Variants in FGFR2 observed in about 807,000 individuals in gnomAD.
FGFR2 encodes the protein BEK fibroblast growth factor receptor.
In FGFR2, 19 loss-of-function variants were observed where a neutral mutation model predicts 95.9. The ratio of observed to expected loss-of-function variants is 0.20; its 90% confidence interval spans 0.14 to 0.29. FGFR2 has a LOEUF of 0.29. FGFR2 is among the 10% of genes least tolerant of loss of function. The pLI is 1.00. For synonymous variants in FGFR2, 392 were observed against 393.3 expected, an observed-to-expected ratio of 1.00 and a Z score of 0.04; for missense variants, 707 against 1,056.9, an observed-to-expected ratio of 0.67 and a Z score of 4.59.
intron 6 of FGFR2, among the ~76,000 whole-genome samples, chr10:121,523,871 G>A (rs922693612): frequency 3.3e-5 from 5 of 152,088 alleles, no homozygotes; most frequent in Non-Finnish European, 5.9e-5. Flanking sequence ...CTAATAAATC[G>A]TTTCACAAGT....
chr10:121,491,380 A>G (rs1013814795), intron 13 of FGFR2, among the ~76,000 whole-genome samples: 2 of 152,174 alleles, frequency 1.3e-5, no homozygotes, highest in African/African-American at 2.4e-5. Flanking sequence ...CATTTTATAC[A>G]ATTAGGGCCC....
chr10:121,501,215 G>A (rs537782665), intron 10 of FGFR2, among the ~76,000 whole-genome samples: 1 of 152,232 alleles, frequency 6.6e-6, no homozygotes, highest in African/African-American at 2.4e-5. Context: ...TTGCTAGTGC[G>A]GTGGTCAGCT....
At chr10:121,572,715 C>T (rs1859009225) in intron 2 of FGFR2, among the ~76,000 whole-genome samples, 1 of 152,206 alleles carries the variant, frequency 6.6e-6, no homozygotes, top group African/African-American at 2.4e-5. Context: ...GGCCTTCCTT[C>T]CCTAAGAAAA....
chr10:121,536,754 C>G (rs1852891217), intron 6 of FGFR2, among the ~76,000 whole-genome samples: 1 of 152,182 alleles, frequency 6.6e-6, no homozygotes, highest in Non-Finnish European at 1.5e-5. Flanking sequence ...GAGTGGCCGC[C>G]ATCTGACTCC....
At chr10:121,588,913 C>CA (rs1405881132) in intron 2 of FGFR2, among the ~76,000 whole-genome samples, 5 of 151,426 alleles carry the variant, frequency 3.3e-5, no homozygotes, top group African/African-American at 9.7e-5. Flanking sequence ...GACTCTGTCT[C>CA]AAAAAACAAA....
intron 10 of FGFR2, among the ~76,000 whole-genome samples, chr10:121,501,680 A>C (rs1236900464): frequency 6.6e-6 from 1 of 152,200 alleles, no homozygotes; most frequent in Non-Finnish European, 1.5e-5. Context: ...GGCTCTTTCT[A>C]ACTTAAGCAT....
At chr10:121,491,552 G>C (rs141026542) in intron 13 of FGFR2, among the ~76,000 whole-genome samples, 1 of 152,140 alleles carries the variant, frequency 6.6e-6, no homozygotes, top group Admixed American at 6.5e-5. Flanking sequence ...CCATTTTACA[G>C]GTGGGGAAGC....
At chr10:121,506,970 T>C (rs1001800613) in intron 9 of FGFR2, among the ~76,000 whole-genome samples, 3 of 152,238 alleles carry the variant, frequency 2.0e-5, no homozygotes, top group Admixed American at 2.0e-4. Context: ...GAAGGGCATA[T>C]GCTTGAAATA....
At chr10:121,522,479 C>T (rs1002949283) in intron 6 of FGFR2, among the ~76,000 whole-genome samples, 1 of 151,866 alleles carries the variant, frequency 6.6e-6, no homozygotes, top group African/African-American at 2.4e-5. Flanking sequence ...TGGCTTGAGC[C>T]CAGGAAGTTG....
intron 13 of FGFR2, among the ~76,000 whole-genome samples, chr10:121,488,397 C>T (rs907439511): frequency 4.0e-5 from 6 of 151,726 alleles, no homozygotes; most frequent in South Asian, 2.1e-4. Context: ...AAAAATTAGC[C>T]GAGCGTGGTG....
At chr10:121,515,475 C>G (rs1022871604) in intron 8 of FGFR2, among the ~76,000 whole-genome samples, 156 bp from the exon 9 acceptor site, 8 of 152,046 alleles carry the variant, frequency 5.3e-5, no homozygotes, top group African/African-American at 1.9e-4. Context: ...AAATGAATAA[C>G]CAGGGGTCCA....
intron 1 of FGFR2, among the ~76,000 whole-genome samples, chr10:121,595,994 T>C (rs1215177441): frequency 6.6e-6 from 1 of 152,214 alleles, no homozygotes; most frequent in African/African-American, 2.4e-5. Context: ...GACAAAAGTA[T>C]GGTGCGACCT....
intron 9 of FGFR2, among the ~76,000 whole-genome samples, chr10:121,506,500 C>T (rs369218919): frequency 6.6e-6 from 1 of 152,134 alleles, no homozygotes. Context: ...CAGGATTCCA[C>T]TATGGGGTGC....
intron 13 of FGFR2, among the ~76,000 whole-genome samples, chr10:121,493,646 A>G (rs116613081): frequency 0.021 from 3,160 of 152,178 alleles, 109 homozygotes; most frequent in African/African-American, 0.072. Context: ...TCAGGCTTCT[A>G]TTCTCCTCTT....
intron 6 of FGFR2, among the ~76,000 whole-genome samples, chr10:121,529,261 A>AC (rs1307133182): frequency 2.0e-5 from 3 of 152,110 alleles, no homozygotes; most frequent in African/African-American, 7.2e-5. Context: ...GGCACACAAC[A>AC]CCACGCCTGG....
chr10:121,525,193 AG>A (rs1168281788), intron 6 of FGFR2, among the ~76,000 whole-genome samples: 1 of 152,210 alleles, frequency 6.6e-6, no homozygotes, highest in Non-Finnish European at 1.5e-5. Flanking sequence ...AGACGTTCTG[AG>A]GTTCAGCAGG....
chr10:121,485,017 C>T lies in FGFR2; in HGVS notation c.2195+378G>A, dbSNP rs1351283272. 6.6e-6 allele frequency among the ~76,000 whole-genome samples: 1 copy of T among 152,102 alleles called. No individual in the cohort carries two copies. The highest frequency in any genetic ancestry group is 1.5e-5 in the Non-Finnish European group (1 of 68,006). ...CTTAATCCTACACCCTGCAGGGCGG[C>T]CCCGCGGCTTTCTAGCTTGTTTCCT... On this transcript the variant is annotated intron_variant, in intron 16 of 17. Transcript: ENST00000358487. This position sits in a 1 kb window ranked among gnomAD's most constrained non-coding sequence, Gnocchi z 4.2.
chr10:121,509,776 C>T (rs1015396762), intron 9 of FGFR2, among the ~76,000 whole-genome samples: 1 of 151,782 alleles, frequency 6.6e-6, no homozygotes, highest in Non-Finnish European at 1.5e-5. Context: ...GGCCACTGCG[C>T]CCGGTCTAAC....
intron 4 of FGFR2, among the ~76,000 whole-genome samples, chr10:121,554,951 G>A (rs17102207): frequency 0.043 from 6,529 of 152,158 alleles, 480 homozygotes; most frequent in African/African-American, 0.15. Context: ...ACCAAGGCTC[G>A]TGAACAGCTT....
Sources: gnomAD v4.1 joint callset for allele counts (sites outside exome capture counted in the v4.1 genomes callset) on GRCh38, gnomAD v4.1.1 for gene constraint, Gnocchi (gnomAD v3.1) non-coding constraint, MANE v1.5 for transcripts, NCBI Gene and HGNC (gene_info 2026-07-23, HGNC 2026-07-21) for gene names.